Variants in CLVS1 observed in about 807,000 individuals in gnomAD.
CLVS1 encodes clavesin 1, also known as clavesin-1.
A neutral mutation model predicts 33.1 loss-of-function variants in CLVS1; 10 were observed. That is an observed-to-expected ratio of 0.30 (90% CI 0.19 to 0.51). The LOEUF (loss-of-function observed/expected upper bound fraction) is 0.51. CLVS1 is among the 20% of genes least tolerant of loss of function. The pLI is 0.97. For synonymous variants in CLVS1, 163 were observed against 166.1 expected, an observed-to-expected ratio of 0.98 and a Z score of 0.14; for missense variants, 343 against 433.4, an observed-to-expected ratio of 0.79 and a Z score of 1.85.
At chr8:61,405,953 A>G (rs1384967317) in intron 3 of CLVS1, among the ~76,000 whole-genome samples, 1 of 152,198 alleles carries the variant, frequency 6.6e-6, no homozygotes, top group Non-Finnish European at 1.5e-5. Flanking sequence ...TTCTTTGCAT[A>G]TACTAATTTT....
At chr8:60,992,135 C>T in the CLVS1 span, among the ~76,000 whole-genome samples, 2,250 of 152,286 alleles carry the variant, frequency 0.015, 48 homozygotes, top group African/African-American at 0.046. Flanking sequence ...CAGCTCCTTG[C>T]TTAAGTCCCT....
chr8:61,385,574 G>T (rs186638314), intron 3 of CLVS1, among the ~76,000 whole-genome samples: 1 of 152,158 alleles, frequency 6.6e-6, no homozygotes, highest in Non-Finnish European at 1.5e-5. Context: ...GGAGAGGAGG[G>T]CATTTACATA....
chr8:61,352,498 A>G (rs1812510464), intron 2 of CLVS1, among the ~76,000 whole-genome samples: 1 of 152,186 alleles, frequency 6.6e-6, no homozygotes, highest in African/African-American at 2.4e-5. Context: ...GGATTAAGAA[A>G]TCAAGCTTCA....
At chr8:61,319,950 G>A (rs1356348748) in intron 2 of CLVS1, among the ~76,000 whole-genome samples, 2 of 151,156 alleles carry the variant, frequency 1.3e-5, no homozygotes, top group African/African-American at 2.4e-5. Flanking sequence ...TTTGCATATG[G>A]TCTGTCATAA....
chr8:61,228,411 C>T (rs774988001), intron 2 of CLVS1, among the ~76,000 whole-genome samples: 29 of 152,046 alleles, frequency 1.9e-4, no homozygotes, highest in Non-Finnish European at 3.7e-4. Context: ...CAGATAAACC[C>T]CTCATAAGCT....
intron 2 of CLVS1, among the ~76,000 whole-genome samples, chr8:61,144,082 G>C (rs1212329790): frequency 2.0e-5 from 3 of 150,886 alleles, no homozygotes; most frequent in Non-Finnish European, 4.4e-5. Flanking sequence ...TTAAGTTCTG[G>C]GATACATGTG....
intron 1 of CLVS1, among the ~76,000 whole-genome samples, chr8:61,127,998 GT>G (rs1355884701): frequency 2.0e-5 from 3 of 152,224 alleles, no homozygotes; most frequent in African/African-American, 7.2e-5. Context: ...CAGAGATGAT[GT>G]TGAAAGCAAC....
rs553199118 is a variant in CLVS1 at position 61,148,568 on chromosome 8, A to T, written c.-152+16708A>T. 2.6e-5 allele frequency among the ~76,000 whole-genome samples: 4 copies of T among 152,288 alleles called. No homozygotes were observed. The South Asian group carries it at 8.3e-4, about 32-fold the overall frequency. On this transcript the variant is annotated intron_variant, in intron 2 of 2. Transcript: ENST00000522621. ...ATTTTTAGTTGGCTGAGAGATTAAT[A>T]ATGGAGAGCTAACAAGATACAGGTT...
At chr8:61,470,192 C>T (rs906796795) in intron 5 of CLVS1, among the ~76,000 whole-genome samples, 3 of 152,192 alleles carry the variant, frequency 2.0e-5, no homozygotes, top group African/African-American at 7.2e-5. Flanking sequence ...GGACCATCTC[C>T]TTACAAGCAC....
chr8:61,459,132 G>A (rs1433970116), intron 5 of CLVS1, among the ~76,000 whole-genome samples: 2 of 152,058 alleles, frequency 1.3e-5, no homozygotes, highest in Admixed American at 6.6e-5. Context: ...ACAGACTGAG[G>A]CATGTAGGTA....
chr8:61,123,656 A>G (rs942562352), intron 1 of CLVS1, among the ~76,000 whole-genome samples: 1 of 152,190 alleles, frequency 6.6e-6, no homozygotes, highest in East Asian at 1.9e-4. Flanking sequence ...TCACCAATGT[A>G]TGCTATGCTG....
chr8:61,423,771 G>A (rs1336320794), intron 3 of CLVS1, among the ~76,000 whole-genome samples: 4 of 152,036 alleles, frequency 2.6e-5, no homozygotes, highest in South Asian at 2.1e-4. Flanking sequence ...CTACTTATTG[G>A]CCACCAATGC....
intron 3 of CLVS1, among the ~76,000 whole-genome samples, chr8:61,380,587 C>CAT (rs575358340): frequency 3.3e-4 from 50 of 152,230 alleles, no homozygotes; most frequent in African/African-American, 1.2e-3. Flanking sequence ...GCTTGAAAGT[C>CAT]ATATACTCCT....
At chr8:61,190,343 A>G (rs533028426) in intron 2 of CLVS1, among the ~76,000 whole-genome samples, 1 of 152,284 alleles carries the variant, frequency 6.6e-6, no homozygotes, top group South Asian at 2.1e-4. Context: ...AACACACAAC[A>G]TACCATAATC....
intron 2 of CLVS1, among the ~76,000 whole-genome samples, chr8:61,273,733 G>A (rs1040554772): frequency 3.3e-5 from 5 of 152,204 alleles, no homozygotes; most frequent in South Asian, 2.1e-4. Context: ...CGCAGTATTC[G>A]GGTGGGAGTG....
intron 2 of CLVS1, chr8:61,202,207 A>G (rs550408838): frequency 2.3e-6 from 1 of 440,172 alleles, no homozygotes; most frequent in African/African-American, 2.0e-5. Context: ...CTAAGAACAT[A>G]AAGTACATTG....
intron 5 of CLVS1, among the ~76,000 whole-genome samples, chr8:61,461,174 A>G (rs531935707): frequency 2.0e-5 from 3 of 152,334 alleles, no homozygotes; most frequent in African/African-American, 7.2e-5. Flanking sequence ...TAAAATTGAC[A>G]TGAATTGATG....
At chr8:61,300,896 C>T (rs1326933508) in intron 2 of CLVS1, 2 of 152,258 alleles carry the variant, frequency 1.3e-5, no homozygotes, top group African/African-American at 2.4e-5. Flanking sequence ...TTGGTCTTTA[C>T]ATCCAATTAA....
At chr8:61,414,353 G>T (rs1815345501) in intron 3 of CLVS1, among the ~76,000 whole-genome samples, 1 of 151,738 alleles carries the variant, frequency 6.6e-6, no homozygotes, top group South Asian at 2.1e-4. Flanking sequence ...GGTTATTAAA[G>T]ATGAAGAAGA....
Sources: gnomAD v4.1 joint callset for allele counts (sites outside exome capture counted in the v4.1 genomes callset) on GRCh38, gnomAD v4.1.1 for gene constraint, MANE v1.5 for transcripts, NCBI Gene and HGNC (gene_info 2026-07-23, HGNC 2026-07-21) for gene names.